The following UBE2L3 variants were observed in gnomAD, a reference collection of about 807,000 sequenced individuals.
UBE2L3 encodes the protein ubiquitin-conjugating enzyme E2 L3.
UBE2L3 carries 1 observed loss-of-function variant against 17.8 expected under a neutral mutation model. The ratio of observed to expected loss-of-function variants is 0.06; its 90% CI spans 0.02 to 0.27. The LOEUF (loss-of-function observed/expected upper bound fraction) is 0.27, where lower values mean the gene tolerates loss of function less well. Among genes scored for constraint, UBE2L3 ranks in the 10% least tolerant of loss-of-function variants. The probability of loss-of-function intolerance (pLI) is 1.00; values close to 1 mark genes in which losing one functional copy is unlikely to be tolerated. For missense variants in UBE2L3, 40 were observed against 192.6 expected (o/e 0.21, Z 4.69); for synonymous variants, 44 against 68.5 (o/e 0.64, Z 1.76).
intron 2 of UBE2L3, among the ~76,000 whole-genome samples, chr22:21,596,301 A>G (rs1345332842): frequency 6.6e-6 from 1 of 152,060 alleles, no homozygotes; most frequent in African/African-American, 2.4e-5. Context: ...TCTGGGCTCA[A>G]GCAATCCTCC....
chr22:21,569,395 C>CAAAAAA, intron 1 of UBE2L3, among the ~76,000 whole-genome samples: 1 of 86,208 alleles, frequency 1.2e-5, no homozygotes, highest in Non-Finnish European at 2.4e-5. Flanking sequence ...GACTCCATGT[C>CAAAAAA]AAAAAAAAAA....
intron 1 of UBE2L3, among the ~76,000 whole-genome samples, chr22:21,556,924 G>A (rs1187772595): frequency 6.6e-6 from 1 of 152,200 alleles, no homozygotes; most frequent in African/African-American, 2.4e-5. Flanking sequence ...CATGGTGGCA[G>A]GTGCCTGTAA....
At chr22:21,600,576 A>G (rs1928802513) in intron 2 of UBE2L3, among the ~76,000 whole-genome samples, 1 of 152,076 alleles carries the variant, frequency 6.6e-6, no homozygotes, top group African/African-American at 2.4e-5. Context: ...GGCATCTGTA[A>G]TCTCAGATAC....
rs151096796 is a variant in UBE2L3 at position 21,616,743 on chromosome 22, AC to A, written c.311-4763del. ...GGGGGGCAAAAAAACAAAACAAAACACCCCCCCCCTTTTTTTAAAGCACATT... is the reference window on the plus strand; with the variant it reads ...GGGGGGCAAAAAAACAAAACAAAACACCCCCCCCTTTTTTTAAAGCACATT... On this transcript the variant is annotated intron_variant, in intron 3 of 3. Transcript: ENST00000342192. Among the ~76,000 whole-genome samples the A allele has an allele frequency of 7.2e-3, 977 of 136,546 alleles. 8 individuals are homozygous for A. The highest frequency in any genetic ancestry group is 0.024 in the African/African-American group (852 of 36,036). 89.6% of individuals were successfully genotyped at this position (136,546 alleles called of 152,430 possible).
chr22:21,597,962 G>GTT lies in UBE2L3; in HGVS notation c.123+5007_123+5008insTT. Among the ~76,000 whole-genome samples the GTT allele has an allele frequency of 4.1e-5, 5 of 120,706 alleles. No homozygotes were observed. The South Asian group carries it at 1.6e-3, about 38-fold the overall frequency. 79.2% of individuals were successfully genotyped at this position (120,706 alleles called of 152,430 possible). A position where few individuals can be genotyped will look rare whatever the true frequency, so the allele number is the denominator to read the frequency against. ...GAGCCACCACGCCCAGCTAATTTTT[G>GTT]TATTTTTTTTTTTTTTTTTGTAGAG... is the stretch of plus-strand genomic sequence containing the variant. On this transcript the variant is annotated intron_variant, in intron 2 of 3. Coordinates refer to ENST00000342192, the MANE Select transcript of UBE2L3 (RefSeq NM_003347.4).
intron 3 of UBE2L3, among the ~76,000 whole-genome samples, chr22:21,619,658 CT>C (rs903515109): frequency 6.6e-6 from 1 of 152,198 alleles, no homozygotes; most frequent in Admixed American, 6.5e-5. Flanking sequence ...ATGATTATGC[CT>C]TTGCATATGA....
chr22:21,607,522 A>G (rs1462740983), intron 2 of UBE2L3, among the ~76,000 whole-genome samples: 26 of 151,304 alleles, frequency 1.7e-4, no homozygotes, highest in Admixed American at 1.1e-3. Flanking sequence ...CTTAAAAAAA[A>G]AAAAAAAAAA....
At chr22:21,568,020 A>C in intron 1 of UBE2L3, 3 of 1,310,592 alleles carry the variant, frequency 2.3e-6, no homozygotes, top group Non-Finnish European at 2.9e-6. Flanking sequence ...CGTTCACGCC[A>C]CTCTCCGCCC....
intron 3 of UBE2L3, among the ~76,000 whole-genome samples, chr22:21,617,928 T>C (rs768956611): frequency 3.3e-5 from 5 of 152,170 alleles, no homozygotes; most frequent in Non-Finnish European, 7.3e-5. Context: ...ATGCCTGTAA[T>C]CCCAGCACTT....
chr22:21,553,017 C>CCCA (rs1926127021), intron 1 of UBE2L3, among the ~76,000 whole-genome samples: 1 of 36,244 alleles, frequency 2.8e-5, no homozygotes, highest in Non-Finnish European at 5.8e-5. Context: ...TGAGCCACCG[C>CCCA]GCATGGCCCT....
At chr22:21,581,599 C>T (rs1009102985) in intron 1 of UBE2L3, among the ~76,000 whole-genome samples, 1 of 152,012 alleles carries the variant, frequency 6.6e-6, no homozygotes, top group African/African-American at 2.4e-5. Context: ...GTCGGGAGTT[C>T]GAGACCAGCC....
intron 2 of UBE2L3, among the ~76,000 whole-genome samples, chr22:21,596,793 G>A (rs1928550058): frequency 1.3e-5 from 2 of 151,992 alleles, no homozygotes; most frequent in South Asian, 4.1e-4. Flanking sequence ...ATCCTGTAAC[G>A]TCTTAAATTT....
chr22:21,559,118 G>C (rs984284435), intron 1 of UBE2L3, among the ~76,000 whole-genome samples: 19 of 151,932 alleles, frequency 1.3e-4, no homozygotes, highest in Admixed American at 1.2e-3. Flanking sequence ...AGGCCAAGGT[G>C]GGTGGATCAC....
intron 1 of UBE2L3, among the ~76,000 whole-genome samples, chr22:21,579,001 A>T (rs574814106): frequency 9.4e-5 from 14 of 148,484 alleles, no homozygotes; most frequent in African/African-American, 3.3e-4. Context: ...TTATTTATTT[A>T]TTTTTTGAGA....
intron 3 of UBE2L3, among the ~76,000 whole-genome samples, chr22:21,615,945 C>T (rs565066171): frequency 6.6e-6 from 1 of 152,254 alleles, no homozygotes; most frequent in East Asian, 1.9e-4. Flanking sequence ...GAAGTGCTGT[C>T]TAGTATTCCT....
chr22:21,609,154 C>T (rs1308182277), intron 2 of UBE2L3, among the ~76,000 whole-genome samples: 3 of 152,160 alleles, frequency 2.0e-5, no homozygotes, highest in African/African-American at 7.2e-5. Context: ...GCCTTGGCCT[C>T]CCAAAGTGCT....
chr22:21,608,828 C>T (rs889985550), intron 2 of UBE2L3, among the ~76,000 whole-genome samples: 2 of 150,126 alleles, frequency 1.3e-5, no homozygotes, highest in Non-Finnish European at 3.0e-5. Flanking sequence ...GTGATCCTCC[C>T]TCCCTGGCCT....
At chr22:21,559,497 G>T in intron 1 of UBE2L3, among the ~76,000 whole-genome samples, 1 of 152,202 alleles carries the variant, frequency 6.6e-6, no homozygotes. Flanking sequence ...TAACATTGGC[G>T]CTTGGGCGAG....
chr22:21,562,837 G>A (rs1926493241), upstream of UBE2L3, among the ~76,000 whole-genome samples: 1 of 151,838 alleles, frequency 6.6e-6, no homozygotes, highest in African/African-American at 2.4e-5. Flanking sequence ...CTGGGCCCAA[G>A]GCCTAATAGG....
Sources: allele counts gnomAD v4.1 joint callset (sites outside exome capture counted in the v4.1 genomes callset), GRCh38; gene constraint gnomAD v4.1.1; transcripts MANE v1.5; gene names NCBI Gene and HGNC (gene_info 2026-07-23, HGNC 2026-07-21).